Variants in PLCB1 observed in about 807,000 individuals in gnomAD.
The protein encoded by PLCB1 is phospholipase C beta 1.
A neutral mutation model predicts 161.8 loss-of-function variants in PLCB1; 46 were observed. The ratio of observed to expected loss-of-function variants is 0.28; its 90% confidence interval spans 0.22 to 0.36. The LOEUF (loss-of-function observed/expected upper bound fraction) is 0.36. Among genes scored for constraint, PLCB1 ranks in the 10% least tolerant of loss-of-function variants. The probability of loss-of-function intolerance (pLI) is 1.00; values close to 1 mark genes in which losing one functional copy is unlikely to be tolerated. For synonymous variants in PLCB1, 517 were observed against 503.7 expected, an observed-to-expected ratio of 1.03 and a Z score of -0.35; for missense variants, 1,016 against 1,472.5, an observed-to-expected ratio of 0.69 and a Z score of 5.07.
intron 3 of PLCB1, among the ~76,000 whole-genome samples, chr20:8,488,719 T>G (rs1982829087): frequency 6.6e-6 from 1 of 152,206 alleles, no homozygotes; most frequent in East Asian, 1.9e-4. Flanking sequence ...CAAATGGGCA[T>G]TTTTAGAATT....
chr20:8,350,152 G>A (rs1046121388), intron 2 of PLCB1, among the ~76,000 whole-genome samples: 1 of 152,166 alleles, frequency 6.6e-6, no homozygotes, highest in East Asian at 1.9e-4. Flanking sequence ...GTAAATGTGT[G>A]CTATGGTGGT....
rs530987115 is a variant in PLCB1, at chr20:8,414,553, G to A, written c.246+43103G>A. On this transcript the variant is annotated intron_variant, in intron 3 of 31. Transcript: ENST00000338037. ...AGCATGGGATGTTGGAAAGAATTGGGGAATGTGAGAAATAGAAAGGAAAGA... is the reference window on the plus strand; with the variant it reads ...AGCATGGGATGTTGGAAAGAATTGGAGAATGTGAGAAATAGAAAGGAAAGA... Among the ~76,000 whole-genome samples, 11 of 152,164 alleles carry A rather than the reference G, an allele frequency of 7.2e-5. No homozygotes were observed. In the South Asian group the frequency reaches 2.3e-3, roughly 32 times the overall value.
At chr20:8,334,283 G>C (rs761064312) in intron 2 of PLCB1, among the ~76,000 whole-genome samples, 9 of 151,964 alleles carry the variant, frequency 5.9e-5, no homozygotes, top group South Asian at 4.2e-4. Context: ...ACTATGATTC[G>C]AGGCAAGTTA....
chr20:8,808,093 T>A (rs1281726937), intron 31 of PLCB1, among the ~76,000 whole-genome samples: 4 of 152,176 alleles, frequency 2.6e-5, no homozygotes, highest in African/African-American at 9.7e-5. Flanking sequence ...AAGCCTGAGA[T>A]GCGAGTATCA....
intron 3 of PLCB1, among the ~76,000 whole-genome samples, chr20:8,506,870 A>G (rs920044423): frequency 4.6e-5 from 7 of 152,206 alleles, no homozygotes; most frequent in African/African-American, 1.4e-4. Context: ...AAAATATTAC[A>G]TAGGTCTATT....
chr20:8,541,562 GAGAAAGAAAGAA>G (rs11467115), intron 3 of PLCB1, among the ~76,000 whole-genome samples: 184 of 114,426 alleles, frequency 1.6e-3, no homozygotes, highest in South Asian at 2.9e-3. Flanking sequence ...AAGGAAGAAA[GAGAAAGAAAGAA>G]AGAAAGAAAG....
At chr20:8,862,900 A>C (rs1157558655) in intron 31 of PLCB1, among the ~76,000 whole-genome samples, 1 of 152,206 alleles carries the variant, frequency 6.6e-6, no homozygotes, top group East Asian at 1.9e-4. Context: ...GCAGGGAAGT[A>C]GAGAAGTGAA....
At chr20:8,244,170 T>C (rs1376120057) in intron 2 of PLCB1, among the ~76,000 whole-genome samples, 1 of 151,912 alleles carries the variant, frequency 6.6e-6, no homozygotes, top group African/African-American at 2.4e-5. Flanking sequence ...GCAGTGTAAA[T>C]TGGCTACTAC....
chr20:8,216,854 G>C (rs79182136), intron 2 of PLCB1, among the ~76,000 whole-genome samples: 1 of 152,138 alleles, frequency 6.6e-6, no homozygotes, highest in South Asian at 2.1e-4. Context: ...ATTCATTATA[G>C]AGCATTCAGA....
chr20:8,401,858 C>T (rs1457214789), intron 3 of PLCB1, among the ~76,000 whole-genome samples: 2 of 152,182 alleles, frequency 1.3e-5, no homozygotes, highest in East Asian at 3.9e-4. Context: ...ATACAGATTC[C>T]AGTATGCCCA....
chr20:8,272,697 A>G (rs1982344683), intron 2 of PLCB1, among the ~76,000 whole-genome samples: 1 of 152,154 alleles, frequency 6.6e-6, no homozygotes, highest in Admixed American at 6.6e-5. Flanking sequence ...AATGCTAAGG[A>G]AATGTCCTCG....
At chr20:8,595,142 C>T (rs991164150) in intron 3 of PLCB1, among the ~76,000 whole-genome samples, 1 of 151,436 alleles carries the variant, frequency 6.6e-6, no homozygotes, top group African/African-American at 2.4e-5. Flanking sequence ...GGTACATGTG[C>T]ACATTGTGCA....
chr20:8,168,735 T>G (rs568777883), intron 2 of PLCB1, among the ~76,000 whole-genome samples: 2 of 152,178 alleles, frequency 1.3e-5, no homozygotes, highest in Non-Finnish European at 2.9e-5. Flanking sequence ...GTGATTTTTC[T>G]GTGCCTGATG....
intron 9 of PLCB1, 53 bp from the exon 10 acceptor site, chr20:8,684,879 T>G: frequency 1.4e-6 from 2 of 1,438,758 alleles, no homozygotes; most frequent in East Asian, 2.3e-5. Context: ...AAGAGGCGAC[T>G]TGACACCCAT....
chr20:8,428,032 C>A (rs559350827), intron 3 of PLCB1, among the ~76,000 whole-genome samples: 5 of 152,264 alleles, frequency 3.3e-5, no homozygotes, highest in Admixed American at 1.3e-4. Flanking sequence ...TCTTCCCCCA[C>A]AACCTTCTTC....
chr20:8,252,180 C>A (rs533257363), intron 2 of PLCB1, among the ~76,000 whole-genome samples: 1 of 151,954 alleles, frequency 6.6e-6, no homozygotes, highest in Non-Finnish European at 1.5e-5. Flanking sequence ...ATGTCGAGAT[C>A]CAGCCATCCA....
chr20:8,375,698 A>G (rs747992731), intron 3 of PLCB1, among the ~76,000 whole-genome samples: 8 of 152,262 alleles, frequency 5.3e-5, no homozygotes, highest in Non-Finnish European at 1.0e-4. Flanking sequence ...TTCAAGTGCC[A>G]GCTTTGCCAT....
intron 9 of PLCB1, among the ~76,000 whole-genome samples, chr20:8,668,697 G>A (rs912981143): frequency 6.6e-6 from 1 of 152,166 alleles, no homozygotes; most frequent in Non-Finnish European, 1.5e-5. Context: ...CTCTTAGAAA[G>A]TGTTAATTCT....
At chr20:8,644,460 T>G (rs1389322479) in intron 4 of PLCB1, among the ~76,000 whole-genome samples, 3 of 140,474 alleles carry the variant, frequency 2.1e-5, no homozygotes, top group African/African-American at 8.2e-5. Flanking sequence ...CCATCTGGGA[T>G]GTGAGGAGCG....
Sources: gnomAD v4.1 joint callset for allele counts (sites outside exome capture counted in the v4.1 genomes callset) on GRCh38, gnomAD v4.1.1 for gene constraint, MANE v1.5 for transcripts, NCBI Gene and HGNC (gene_info 2026-07-23, HGNC 2026-07-21) for gene names.